The following CSMD1 variants were observed in gnomAD, a reference collection of about 807,000 sequenced individuals.
The protein encoded by CSMD1 is CUB and Sushi multiple domains 1, also known as CUB and sushi domain-containing protein 1.
CSMD1 carries 213 observed loss-of-function variants against 417.5 expected under a neutral mutation model. The observed-to-expected ratio is 0.51, with a 90% CI of 0.46 to 0.57. CSMD1 has a LOEUF of 0.57. CSMD1 is among the 20% of genes least tolerant of loss of function. The pLI, the probability that CSMD1 is intolerant of heterozygous loss-of-function variation, is 0.00. For missense variants in CSMD1, 6,923 were observed against 4,529.7 expected, an observed-to-expected ratio of 1.53 and a Z score of -15.17; for synonymous variants, 2,862 against 1,736.8, an observed-to-expected ratio of 1.65 and a Z score of -16.11.
At chr8:4,737,847 G>C (rs560872217) in intron 1 of CSMD1, among the ~76,000 whole-genome samples, 1 of 152,136 alleles carries the variant, frequency 6.6e-6, no homozygotes, top group Non-Finnish European at 1.5e-5. Context: ...GGGAGGAGGA[G>C]TCAAATATTG....
At position 4,265,155 on chromosome 8, in the gene CSMD1, G is replaced by C. The variant is rs530323941; in HGVS notation, c.415+154798C>G. ...CTTAATTTGACCTCGACTATTATTAGTAAAAATAAATAGTGGAACCTGTTT... is the reference window on the plus strand; with the variant it reads ...CTTAATTTGACCTCGACTATTATTACTAAAAATAAATAGTGGAACCTGTTT... On this transcript the variant is annotated intron_variant, in intron 3 of 69. Coordinates refer to ENST00000635120, the MANE Select transcript of CSMD1 (RefSeq NM_033225.6). Among the ~76,000 whole-genome samples, 3 of 152,158 alleles carry C rather than the reference G, an allele frequency of 2.0e-5. No individual in the cohort carries two copies. The East Asian group carries it at 5.8e-4, about 29-fold the overall frequency.
At chr8:4,081,542 A>C (rs1800133415) in intron 3 of CSMD1, among the ~76,000 whole-genome samples, 1 of 152,202 alleles carries the variant, frequency 6.6e-6, no homozygotes, top group Admixed American at 6.5e-5. Flanking sequence ...CCGGAAAGGA[A>C]CCGAAGCTGT....
chr8:4,819,281 A>G (rs953891849), intron 1 of CSMD1, among the ~76,000 whole-genome samples: 1 of 152,326 alleles, frequency 6.6e-6, no homozygotes, highest in South Asian at 2.1e-4. Flanking sequence ...CTCATCATTA[A>G]AAACTTGTTC....
chr8:4,830,841 A>G (rs1223080324), intron 1 of CSMD1, among the ~76,000 whole-genome samples: 1 of 152,224 alleles, frequency 6.6e-6, no homozygotes, highest in Non-Finnish European at 1.5e-5. Context: ...AAGAGAAATC[A>G]GCTAAGTGAA....
At chr8:3,130,669 T>C (rs17318857) in intron 41 of CSMD1, among the ~76,000 whole-genome samples, 6,327 of 152,002 alleles carry the variant, frequency 0.042, 185 homozygotes, top group Non-Finnish European at 0.066. Context: ...CACCCAGAAC[T>C]CTTCCTAGCA....
Position 3,523,639 on chromosome 8 carries a change from G to A in CSMD1, c.1345-29913C>T, listed in dbSNP as rs537186932. On this transcript the variant is annotated intron_variant, in intron 10 of 69. Coordinates refer to ENST00000635120, the MANE Select transcript of CSMD1 (RefSeq NM_033225.6). ...CACACATGCATGCACACCGAGACAC[G>A]TGCACACACAGGCACAGTTACACAT... 1.9e-4 allele frequency among the ~76,000 whole-genome samples: 27 copies of A among 142,198 alleles called. No homozygotes were observed. The South Asian group carries it at 4.3e-3, about 23-fold the overall frequency. 93.3% of individuals were successfully genotyped at this position (142,198 alleles called of 152,430 possible). A position where few individuals can be genotyped will look rare whatever the true frequency, so the allele number is the denominator to read the frequency against.
At chr8:3,703,965 G>C (rs1005128213) in intron 7 of CSMD1, among the ~76,000 whole-genome samples, 5 of 152,236 alleles carry the variant, frequency 3.3e-5, no homozygotes, top group Admixed American at 6.5e-5. Flanking sequence ...CTGCTATTTG[G>C]GAGGCTGAGA....
chr8:3,099,199 C>G (rs1017666855), intron 46 of CSMD1, among the ~76,000 whole-genome samples: 1 of 152,116 alleles, frequency 6.6e-6, no homozygotes, highest in Non-Finnish European at 1.5e-5. Flanking sequence ...ACCGCAATTA[C>G]AAACCATCCA....
intron 33 of CSMD1, among the ~76,000 whole-genome samples, chr8:3,199,000 T>C (rs1292904757): frequency 6.6e-6 from 1 of 152,216 alleles, no homozygotes; most frequent in East Asian, 1.9e-4. Context: ...TTTACAGTCA[T>C]GACAAGCTCC....
rs1801940259 is a variant in CSMD1, at chr8:3,612,418, G to A, written c.1097+4292C>T. 3.3e-5 allele frequency among the ~76,000 whole-genome samples: 5 copies of A among 152,134 alleles called. No individual in the cohort carries two copies. The South Asian group carries it at 1.0e-3, about 31-fold the overall frequency. On this transcript the variant is annotated intron_variant, in intron 8 of 69. Coordinates refer to ENST00000635120, the MANE Select transcript of CSMD1 (RefSeq NM_033225.6). ...GACAAGTGTTAAGAAAATTAGTAGG[G>A]ATCACAAAGCCTTGAACAACACTGT...
chr8:4,020,975 T>C lies in CSMD1; in HGVS notation c.610+10930A>G, dbSNP rs569899158. On this transcript the variant is annotated intron_variant, in intron 4 of 69. Transcript: ENST00000635120. ...CGTGGACTTTGATATCTCAGACCCA[T>C]TGCCTTATCAGTCTTTATGATTAAA... 2.4e-3 allele frequency among the ~76,000 whole-genome samples: 373 copies of C among 152,322 alleles called. 1 individual carries two copies. The highest frequency in any genetic ancestry group is 4.5e-3 in the Non-Finnish European group (304 of 68,030).
chr8:3,781,110 C>G (rs1314714904), intron 5 of CSMD1, among the ~76,000 whole-genome samples: 1 of 152,030 alleles, frequency 6.6e-6, no homozygotes, highest in Non-Finnish European at 1.5e-5. Context: ...TTTCAAGAAG[C>G]CAAAAACACC....
intron 12 of CSMD1, among the ~76,000 whole-genome samples, chr8:3,447,954 G>A (rs1214644451): frequency 6.6e-6 from 1 of 152,058 alleles, no homozygotes; most frequent in East Asian, 1.9e-4. Context: ...ACCCCACATG[G>A]GACAGAGCCT....
intron 1 of CSMD1, among the ~76,000 whole-genome samples, chr8:4,878,628 C>A (rs1023915963): frequency 6.6e-6 from 1 of 151,882 alleles, no homozygotes; most frequent in African/African-American, 2.4e-5. Flanking sequence ...GGAAATTATG[C>A]TCTCTCAAAA....
intron 24 of CSMD1, 126 bp from the exon 25 acceptor site, chr8:3,307,947 C>G: frequency 1.0e-5 from 11 of 1,048,936 alleles, no homozygotes; most frequent in Non-Finnish European, 1.5e-5. Context: ...TCACCATCAT[C>G]TCTCTCTCCT....
chr8:3,820,889 C>G (rs941671094), intron 5 of CSMD1, among the ~76,000 whole-genome samples: 8 of 151,932 alleles, frequency 5.3e-5, no homozygotes, highest in African/African-American at 1.7e-4. Context: ...GGAATACCTC[C>G]TTAAGGACCT....
intron 1 of CSMD1, among the ~76,000 whole-genome samples, chr8:4,850,911 C>A (rs927929333): frequency 2.0e-5 from 3 of 147,534 alleles, no homozygotes; most frequent in Non-Finnish European, 4.5e-5. Flanking sequence ...CCCTTGCCCC[C>A]CCACTTTTTG....
At chr8:4,888,544 A>G (rs1803902295) in intron 1 of CSMD1, among the ~76,000 whole-genome samples, 1 of 151,822 alleles carries the variant, frequency 6.6e-6, no homozygotes, top group South Asian at 2.1e-4. Flanking sequence ...GTGTGTGTTT[A>G]TGTGAGAGTC....
chr8:4,283,931 C>G (rs767772480), intron 3 of CSMD1, among the ~76,000 whole-genome samples: 1 of 152,132 alleles, frequency 6.6e-6, no homozygotes, highest in Non-Finnish European at 1.5e-5. Context: ...TCTGGACACA[C>G]CATTATTAAC....
Sources: gnomAD v4.1 joint callset for allele counts (sites outside exome capture counted in the v4.1 genomes callset) on GRCh38, gnomAD v4.1.1 for gene constraint, MANE v1.5 for transcripts, NCBI Gene and HGNC (gene_info 2026-07-23, HGNC 2026-07-21) for gene names.